The following WDR7 variants were observed in gnomAD, a reference collection of about 807,000 sequenced individuals.
The protein encoded by WDR7 is WD repeat domain 7.
In WDR7, 46 loss-of-function variants were observed where a neutral mutation model predicts 169.4. The observed-to-expected ratio is 0.27, with a 90% CI of 0.21 to 0.35. The LOEUF (loss-of-function observed/expected upper bound fraction) is 0.35, where lower values mean the gene tolerates loss of function less well. Among genes scored for constraint, WDR7 ranks in the 10% least tolerant of loss-of-function variants. The pLI, the probability that WDR7 is intolerant of heterozygous loss-of-function variation, is 1.00. For synonymous variants in WDR7, 612 were observed against 666.8 expected (o/e 0.92, Z 1.27); for missense variants, 1,534 against 1,859.3 (o/e 0.83, Z 3.22).
rs773223816 is a variant in WDR7, at chr18:56,691,196, A to G, written c.718-20A>G. On this transcript the variant is annotated intron_variant, in intron 7 of 27. Transcript: ENST00000254442. The stretch of plus-strand genomic sequence containing the variant: ...TTACAACAATATGGAGTAGATTGTG[A>G]ATTTCTTTCTTCCTTGCAGGTGTTC... 2 of 1,599,212 alleles carry G rather than the reference A, an allele frequency of 1.3e-6. No individual in the cohort carries two copies. Among genetic ancestry groups the G allele is most frequent in the Non-Finnish European group, 1.7e-6 (2 of 1,175,500 alleles).
At chr18:57,000,577 G>A (rs906943183) in intron 26 of WDR7, among the ~76,000 whole-genome samples, 2 of 152,094 alleles carry the variant, frequency 1.3e-5, no homozygotes, top group African/African-American at 4.8e-5. Context: ...TTGAACATTT[G>A]TAAGCTCAAA....
At chr18:56,723,781 C>T (rs994180182) in intron 13 of WDR7, among the ~76,000 whole-genome samples, 1 of 152,000 alleles carries the variant, frequency 6.6e-6, no homozygotes, top group Admixed American at 6.5e-5. Flanking sequence ...ATTTTCTCCC[C>T]TCCATTTTCT....
At chr18:56,936,348 A>G (rs2046960323) in intron 23 of WDR7, 1 of 153,950 alleles carries the variant, frequency 6.5e-6, no homozygotes, top group African/African-American at 2.4e-5. Context: ...GTCACAGATA[A>G]AGACTTGAAT....
chr18:56,879,804 C>A (rs2145479079), intron 20 of WDR7, 140 bp from the exon 21 acceptor site: 1 of 652,410 alleles, frequency 1.5e-6, no homozygotes, highest in East Asian at 2.8e-5. Flanking sequence ...ATCCTTTTGC[C>A]TGTGAGTAAC....
At chr18:56,723,206 CTT>C (rs79345820) in intron 13 of WDR7, among the ~76,000 whole-genome samples, 2 of 143,580 alleles carry the variant, frequency 1.4e-5, no homozygotes, top group Non-Finnish European at 1.5e-5. Flanking sequence ...TTTTTCTTTC[CTT>C]TTTTTTTTTG....
chr18:56,823,651 A>G (rs967113899), intron 20 of WDR7, among the ~76,000 whole-genome samples: 2 of 152,152 alleles, frequency 1.3e-5, no homozygotes, highest in Admixed American at 1.3e-4. Flanking sequence ...TTTCATATGT[A>G]TACCTCAGTT....
intron 25 of WDR7, among the ~76,000 whole-genome samples, chr18:56,942,275 G>T (rs946786792): frequency 6.6e-6 from 1 of 152,046 alleles, no homozygotes; most frequent in Non-Finnish European, 1.5e-5. Context: ...AAAATGGCGA[G>T]GTGTTCTTTT....
chr18:56,672,686 A>C lies in WDR7; in HGVS notation c.159+12A>C. 6.3e-7 allele frequency: 1 copy of C among 1,599,282 alleles called. No homozygotes were observed. The highest frequency in any genetic ancestry group is 1.1e-5 in the South Asian group (1 of 88,512). ...CAGTAGAACTGCAAGTGAGTATGTG[A>C]AATGCCTATTATACATTTTAGATAT... On this transcript the variant is annotated intron_variant, in intron 2 of 27. Coordinates refer to ENST00000254442, the MANE Select transcript of WDR7 (RefSeq NM_015285.3).
chr18:56,896,480 G>T (rs182852410), intron 21 of WDR7, among the ~76,000 whole-genome samples: 1 of 151,836 alleles, frequency 6.6e-6, no homozygotes, highest in South Asian at 2.1e-4. Context: ...TTACCTTGGT[G>T]CAGGAGAGAC....
At chr18:57,003,821 C>G (rs984264197) in intron 26 of WDR7, among the ~76,000 whole-genome samples, 1 of 152,034 alleles carries the variant, frequency 6.6e-6, no homozygotes, top group Non-Finnish European at 1.5e-5. Flanking sequence ...TCTGACTCCA[C>G]TTCATTCCTT....
chr18:56,905,723 G>T (rs1331672378), intron 21 of WDR7, among the ~76,000 whole-genome samples: 1 of 151,734 alleles, frequency 6.6e-6, no homozygotes, highest in Admixed American at 6.6e-5. Context: ...GAATCCAGGA[G>T]CGATTTATCT....
intron 19 of WDR7, among the ~76,000 whole-genome samples, chr18:56,786,024 A>G (rs78113468): frequency 0.026 from 4,013 of 152,220 alleles, 71 homozygotes; most frequent in African/African-American, 0.051. Flanking sequence ...TGTAAAGTGC[A>G]TAATACAAGT....
At chr18:56,830,019 G>A (rs1025822280) in intron 20 of WDR7, among the ~76,000 whole-genome samples, 28 of 152,116 alleles carry the variant, frequency 1.8e-4, no homozygotes, top group Non-Finnish European at 8.8e-5. Flanking sequence ...GGGGAAAATT[G>A]GATCCAAGCA....
At chr18:56,681,232 A>T (rs1160398255) in intron 3 of WDR7, 81 bp from the exon 4 acceptor site, 1 of 959,598 alleles carries the variant, frequency 1.0e-6, no homozygotes, top group East Asian at 2.7e-5. Context: ...TTAATGGAAG[A>T]TTAATTTTAA....
intron 26 of WDR7, among the ~76,000 whole-genome samples, chr18:56,998,031 C>T (rs2047923174): frequency 6.6e-6 from 1 of 152,150 alleles, no homozygotes; most frequent in African/African-American, 2.4e-5. Flanking sequence ...TCATGTATGG[C>T]TTTCTTTATG....
chr18:56,707,519 A>C (rs1252829907), intron 12 of WDR7, among the ~76,000 whole-genome samples: 1 of 151,204 alleles, frequency 6.6e-6, no homozygotes, highest in Non-Finnish European at 1.5e-5. Context: ...AATTCCTTGG[A>C]AATTATAGTC....
intron 5 of WDR7, among the ~76,000 whole-genome samples, 163 bp downstream of exon 5, chr18:56,683,016 A>G (rs2025379669): frequency 6.6e-6 from 1 of 152,234 alleles, no homozygotes; most frequent in South Asian, 2.1e-4. Context: ...TCATAAAGAA[A>G]TCTTTGATTG....
At chr18:57,002,860 G>A (rs1315983896) in intron 26 of WDR7, among the ~76,000 whole-genome samples, 1 of 152,106 alleles carries the variant, frequency 6.6e-6, no homozygotes, top group Non-Finnish European at 1.5e-5. Flanking sequence ...CAGCCAGCAT[G>A]CCATTTCAGT....
downstream of WDR7, chr18:57,030,616 C>G (rs2048435823): frequency 1.3e-5 from 2 of 152,194 alleles, no homozygotes; most frequent in Non-Finnish European, 2.9e-5. Flanking sequence ...GGCTGACTGA[C>G]AGAGCCCAGT....
Sources: allele counts gnomAD v4.1 joint callset (sites outside exome capture counted in the v4.1 genomes callset), GRCh38; gene constraint gnomAD v4.1.1; transcripts MANE v1.5; gene names NCBI Gene and HGNC (gene_info 2026-07-23, HGNC 2026-07-21).